STIP1: variants seen among roughly 807,000 people sequenced by gnomAD.
STIP1 encodes stress induced phosphoprotein 1.
STIP1 carries 16 observed loss-of-function variants against 77.4 expected under a neutral mutation model. That is an observed-to-expected ratio of 0.21 (90% CI 0.14 to 0.31). STIP1 has a LOEUF of 0.31. Ranked by LOEUF, STIP1 falls within the 10% of genes least tolerant of loss-of-function variation. The probability of loss-of-function intolerance (pLI) is 1.00; values close to 1 mark genes in which losing one functional copy is unlikely to be tolerated. For missense variants in STIP1, 524 were observed against 684.8 expected, an observed-to-expected ratio of 0.77 and a Z score of 2.62; for synonymous variants, 258 against 246.6, an observed-to-expected ratio of 1.05 and a Z score of -0.44.
At chr11:64,191,323 T>C (rs1464943115) in intron 1 of STIP1, among the ~76,000 whole-genome samples, 1 of 148,500 alleles carries the variant, frequency 6.7e-6, no homozygotes, top group Non-Finnish European at 1.5e-5. Context: ...AAAAAATAAA[T>C]ATGGCCAGGC....
chr11:64,193,308 G>C, intron 2 of STIP1, 21 bp downstream of exon 2: 1 of 1,613,198 alleles, frequency 6.2e-7, no homozygotes, highest in South Asian at 1.1e-5. Context: ...GGCAGTGGAG[G>C]GAGAGAGGCC....
At chr11:64,187,044 G>A (rs1004602901) in intron 1 of STIP1, among the ~76,000 whole-genome samples, 2 of 152,036 alleles carry the variant, frequency 1.3e-5, no homozygotes, top group Admixed American at 1.3e-4. Flanking sequence ...CCGAAAGGTG[G>A]GTCTGAAAGA....
At chr11:64,186,741 C>G (rs1946025058) in intron 1 of STIP1, among the ~76,000 whole-genome samples, 1 of 152,162 alleles carries the variant, frequency 6.6e-6, no homozygotes, top group South Asian at 2.1e-4. Flanking sequence ...TTGGACGGAT[C>G]CAGGGAGCGG....
In STIP1 at chr11:64,203,546, G is replaced by A; in HGVS notation, c.1483G>A (p.Val495Met). The A allele has an allele frequency of 6.2e-7, 1 of 1,614,198 alleles. No individual in the cohort carries two copies. The highest frequency in any genetic ancestry group is 8.5e-7 in the Non-Finnish European group (1 of 1,180,046). The change falls in exon 13 of 14, where the codon GTG (valine) becomes ATG (methionine). Residue 495 changes from valine to methionine, a missense_variant. By Grantham distance (21) the Val-to-Met change is conservative. Transcript: ENST00000305218. The part of the protein sequence containing the change: ...VKRRAMADPE[V>M]QQIMSDPAMR... ...GCGACGAGCCATGGCCGACCCTGAG[G>A]TGCAGCAGATCATGAGTGACCCAGC...
intron 1 of STIP1, among the ~76,000 whole-genome samples, chr11:64,187,452 T>C (rs963679899): frequency 6.6e-6 from 1 of 152,176 alleles, no homozygotes; most frequent in Non-Finnish European, 1.5e-5. Flanking sequence ...CACTCTCCCC[T>C]TAAATAAGAC....
intron 10 of STIP1, among the ~76,000 whole-genome samples, chr11:64,201,614 C>A (rs1272049077): frequency 5.3e-5 from 8 of 152,120 alleles, no homozygotes; most frequent in African/African-American, 1.7e-4. Flanking sequence ...AACAGCCATA[C>A]CTGGGTTTGT....
intron 10 of STIP1, among the ~76,000 whole-genome samples, chr11:64,200,590 C>CGT (rs35484605): frequency 0.088 from 12,435 of 141,148 alleles, 542 homozygotes; most frequent in African/African-American, 0.093. Flanking sequence ...TCTAACTGGT[C>CGT]GTGTGTGTGT....
At chr11:64,185,974 G>A (rs752779972), upstream of STIP1, 90 of 1,539,706 alleles carry the variant, frequency 5.8e-5, 2 homozygotes, top group South Asian at 1.0e-3. Flanking sequence ...GCCTGAGATG[G>A]GTGGGTTTAT....
chr11:64,193,484 TAAG>T (rs1447791360), intron 2 of STIP1, 197 bp downstream of exon 2: 1 of 598,262 alleles, frequency 1.7e-6, no homozygotes, highest in Non-Finnish European at 2.9e-6. Context: ...TTTTTGGTAC[TAAG>T]AAGGAAGAGG....
chr11:64,204,016 G>A, intron 13 of STIP1, 38 bp from the exon 14 acceptor site: 2 of 1,603,898 alleles, frequency 1.2e-6, no homozygotes, highest in South Asian at 2.2e-5. Flanking sequence ...AGACTTTAAA[G>A]GTTGTCTCAT....
At chr11:64,190,974 G>A (rs1040871481) in intron 1 of STIP1, among the ~76,000 whole-genome samples, 1 of 151,812 alleles carries the variant, frequency 6.6e-6, no homozygotes, top group South Asian at 2.1e-4. Context: ...GATCACCTGA[G>A]GCCAGGAGTT....
chr11:64,195,748 C>G lies in STIP1; in HGVS notation c.607C>G (p.Pro203Ala). 1 of 1,614,122 alleles carries G rather than the reference C, an allele frequency of 6.2e-7. No homozygotes were observed. Among genetic ancestry groups the G allele is most frequent in the Non-Finnish European group, 8.5e-7 (1 of 1,180,014 alleles). ...EEEIATPPPPPPPKKETKPEP... is the reference protein window; with the variant it reads ...EEEIATPPPPAPPKKETKPEP... ...AGAGATTGCAACACCTCCACCACCA[C>G]CCCCTCCCAAAAAGGAGACCAAGCC... The change falls in exon 5 of 14, where the codon CCC becomes GCC. Residue 203 changes from proline (P) to alanine (A), a missense_variant. Pro to Ala is a conservative substitution (Grantham distance 27, BLOSUM62 -1). Coordinates refer to ENST00000305218, the MANE Select transcript of STIP1 (RefSeq NM_006819.3).
intron 1 of STIP1, among the ~76,000 whole-genome samples, chr11:64,191,266 T>C (rs932513374): frequency 4.6e-5 from 7 of 150,768 alleles, no homozygotes; most frequent in Admixed American, 2.0e-4. Context: ...GCTGTGATCA[T>C]GCCACTGCAC....
chr11:64,185,821 C>T, upstream of STIP1: 1 of 1,535,944 alleles, frequency 6.5e-7, no homozygotes, highest in Non-Finnish European at 8.7e-7. Context: ...AAGGCGGTTC[C>T]GACATGGAGT....
intron 1 of STIP1, 195 bp downstream of exon 1, chr11:64,186,465 G>T (rs1281904865): frequency 1.8e-6 from 1 of 543,706 alleles, no homozygotes; most frequent in African/African-American, 2.0e-5. Flanking sequence ...CCGGCCGCGG[G>T]GAGCGCCCAT....
At chr11:64,192,476 T>C (rs1946103565) in intron 1 of STIP1, among the ~76,000 whole-genome samples, 1 of 152,232 alleles carries the variant, frequency 6.6e-6, no homozygotes, top group Non-Finnish European at 1.5e-5. Flanking sequence ...CTAGCTTGAC[T>C]GTTACCCATT....
At position 64,194,579 on chromosome 11, in the gene STIP1, G is replaced by A. The variant is rs1440819185; in HGVS notation, c.462G>A (p.Glu154=). 2 of 1,614,208 alleles carry A rather than the reference G, an allele frequency of 1.2e-6. No homozygotes were observed. The highest frequency in any genetic ancestry group is 1.7e-6 in the Non-Finnish European group (2 of 1,180,024). The change falls in exon 4 of 14, where the codon GAG becomes GAA. Residue 154 remains glutamate (E), a synonymous_variant. Transcript: ENST00000305218. ...RTLLSDPTYR[E]LIEQLRNKPS... ...TACTCAGTGATCCTACCTACCGGGA[G>A]CTGATAGAGCAGCTACGAAACAAGC...
At chr11:64,188,632 C>T (rs1946056221) in intron 1 of STIP1, among the ~76,000 whole-genome samples, 1 of 152,188 alleles carries the variant, frequency 6.6e-6, no homozygotes, top group African/African-American at 2.4e-5. Flanking sequence ...TAGCCTTGGC[C>T]TCCCACTTCA....
At chr11:64,187,007 T>C (rs1048701295) in intron 1 of STIP1, among the ~76,000 whole-genome samples, 1 of 152,240 alleles carries the variant, frequency 6.6e-6, no homozygotes, top group African/African-American at 2.4e-5. Flanking sequence ...GTGTGTGTGA[T>C]TGTCGAGTGA....
Sources: gnomAD v4.1 joint callset for allele counts (sites outside exome capture counted in the v4.1 genomes callset) on GRCh38, gnomAD v4.1.1 for gene constraint, MANE v1.5 for transcripts, NCBI Gene and HGNC (gene_info 2026-07-23, HGNC 2026-07-21) for gene names.